The following ARHGAP23 variants were observed in gnomAD, a reference collection of about 807,000 sequenced individuals.
ARHGAP23 encodes the protein Rho GTPase activating protein 23.
In ARHGAP23, 34 loss-of-function variants were observed where a neutral mutation model predicts 136.3. The ratio of observed to expected loss-of-function variants is 0.25; its 90% CI spans 0.19 to 0.33. The LOEUF is 0.33. ARHGAP23 is among the 10% of genes least tolerant of loss of function. The pLI is 1.00. For missense variants in ARHGAP23, 1,808 were observed against 2,139.0 expected (o/e 0.85, Z 3.05); for synonymous variants, 832 against 920.5 (o/e 0.90, Z 1.74).
At chr17:38,499,107 T>C (rs2040463024) in intron 22 of ARHGAP23, among the ~76,000 whole-genome samples, 2 of 152,122 alleles carry the variant, frequency 1.3e-5, no homozygotes, top group South Asian at 4.1e-4. Flanking sequence ...ACCCCAGCAG[T>C]CCATGCCCCT....
rs989746876 is a variant in ARHGAP23 at position 38,477,865 on chromosome 17, C to A, written c.2405C>A (p.Ala802Glu). 3.9e-6 allele frequency: 6 copies of A among 1,548,458 alleles called. No homozygotes were observed. The African/African-American group carries it at 8.2e-5, about 21-fold the overall frequency. The change falls in exon 12 of 24, where the codon GCG becomes GAG. Residue 802 changes from alanine (A) to glutamate (E), a missense_variant. Around this residue, in one of 7 missense-constraint regions of ARHGAP23, gnomAD observed 139 missense variants for 264.3 expected, o/e 0.53. Transcript: ENST00000622683. This position sits in a 1 kb window ranked among gnomAD's most constrained non-coding sequence, Gnocchi z 6.6. ...GATGACATGCTGGGCTGGATCAGAG[C>A]GATCCGGGAGAACAGCAGGGCCGAG... The part of the protein sequence containing the change: ...DRDDMLGWIR[A>E]IRENSRAEGE...
chr17:38,499,009 G>A (rs1567826737), intron 22 of ARHGAP23: 1 of 698,160 alleles, frequency 1.4e-6, no homozygotes. Flanking sequence ...ATTATAAGAA[G>A]GCTGGGTGGG....
chr17:38,500,525 T>A, intron 22 of ARHGAP23, 72 bp from the exon 23 acceptor site: 1 of 1,346,522 alleles, frequency 7.4e-7, no homozygotes, highest in Non-Finnish European at 1.0e-6. Context: ...GGAGAGGGAA[T>A]TGTGTGCATA....
chr17:38,490,065 G>A lies in ARHGAP23; in HGVS notation c.2987-37G>A, dbSNP rs1021979678. 4 of 1,545,358 alleles carry A rather than the reference G, an allele frequency of 2.6e-6. No homozygotes were observed. In the African/African-American group the frequency reaches 4.1e-5, roughly 16 times the overall value. On this transcript the variant is annotated intron_variant, in intron 17 of 23. Transcript: ENST00000622683. ...GGCCGGGAGAACAGGGGAAGGCGCTGCCCCCACCTCTCTAAAGAGTCTCCG... is the reference window on the plus strand; with the variant it reads ...GGCCGGGAGAACAGGGGAAGGCGCTACCCCCACCTCTCTAAAGAGTCTCCG...
chr17:38,479,570 T>C, intron 13 of ARHGAP23, 73 bp downstream of exon 13: 1 of 1,489,042 alleles, frequency 6.7e-7, no homozygotes, highest in Non-Finnish European at 9.2e-7. Context: ...GATGTCTTCC[T>C]GGCCCACCTC....
In ARHGAP23 at chr17:38,490,456, G is replaced by A; in HGVS notation, c.3061-6G>A. On this transcript the variant is annotated splice_polypyrimidine_tract_variant and splice_region_variant and intron_variant, in intron 18 of 23. Coordinates refer to ENST00000622683, the MANE Select transcript of ARHGAP23 (RefSeq NM_001199417.2). ...TGTCCCCATGCCCCTCCTCTCTCCT[G>A]CTCAGATCCGGGATCTCCCAGGACA... 6.5e-7 allele frequency: 1 copy of A among 1,545,334 alleles called. No individual in the cohort carries two copies. The highest frequency in any genetic ancestry group is 8.7e-7 in the Non-Finnish European group (1 of 1,143,012).
In ARHGAP23 at chr17:38,510,186, T is replaced by TC; in HGVS notation, c.3695dup (p.Ala1233GlyfsTer33). On this transcript the variant is annotated frameshift_variant, in exon 24 of 24. Transcript: ENST00000622683. LOFTEE classifies it high-confidence loss of function. This position sits in a 1 kb window ranked among gnomAD's most constrained non-coding sequence, Gnocchi z 4.6. ...CCCCCGAGGCCCCCGGACGCCTCAG[T>TC]CCCCCGGCGGCGCCGGAGGAGCGGC... 2 of 1,343,156 alleles carry TC rather than the reference T, an allele frequency of 1.5e-6. No individual in the cohort carries two copies. Among genetic ancestry groups the TC allele is most frequent in the Admixed American group, 6.4e-5 (2 of 31,128 alleles). 83.2% of individuals were successfully genotyped at this position (1,343,156 alleles called of 1,614,324 possible). A position where few individuals can be genotyped will look rare whatever the true frequency, so the allele number is the denominator to read the frequency against.
At chr17:38,495,934 G>T (rs947919977) in intron 20 of ARHGAP23, among the ~76,000 whole-genome samples, 7 of 152,000 alleles carry the variant, frequency 4.6e-5, no homozygotes, top group African/African-American at 1.7e-4. Flanking sequence ...TTTCACTCTT[G>T]TTGTCCAGGC....
rs2040276445 is a variant in ARHGAP23, at chr17:38,491,433, C to G, written c.3177C>G (p.Val1059=). 7 of 1,549,736 alleles carry G rather than the reference C, an allele frequency of 4.5e-6. 1 individual carries two copies. The East Asian group carries it at 1.7e-4, about 38-fold the overall frequency. The change falls in exon 20 of 24, where the codon GTC becomes GTG. Residue 1059 remains valine, a synonymous_variant. Coordinates refer to ENST00000622683, the MANE Select transcript of ARHGAP23 (RefSeq NM_001199417.2). ...NKMEPRNLAL[V]FGPTLVRTSE... The stretch of plus-strand genomic sequence containing the variant: ...TGGAACCCCGGAACCTGGCCCTGGT[C>G]TTTGGGCCGACACTGGTGAGGACGT...
At chr17:38,469,028 C>T (rs1364248131) in intron 7 of ARHGAP23, 116 bp from the exon 8 acceptor site, 1 of 1,122,244 alleles carries the variant, frequency 8.9e-7, no homozygotes, top group African/African-American at 1.6e-5. Flanking sequence ...CAGCAGGACC[C>T]TTTGGGATGT....
At chr17:38,459,050 G>T (rs946944382) in intron 2 of ARHGAP23, among the ~76,000 whole-genome samples, 3 of 152,168 alleles carry the variant, frequency 2.0e-5, no homozygotes, top group African/African-American at 7.2e-5. Context: ...GACAGAAGGG[G>T]CCCCAGGGAG....
chr17:38,424,533 C>T (rs1263400453), upstream of ARHGAP23, among the ~76,000 whole-genome samples: 1 of 152,180 alleles, frequency 6.6e-6, no homozygotes, highest in Non-Finnish European at 1.5e-5. Context: ...GTTGCCTCCT[C>T]CTTCTCTGCC....
rs2040158139 is a variant in ARHGAP23, at chr17:38,486,276, G to A, written c.2986+136G>A. ...ACAGTCTTGCTCTGTTGCCCAGGCT[G>A]GAGTGCAGTGGCGCAATCACGGCTC... On this transcript the variant is annotated intron_variant, in intron 17 of 23. Transcript: ENST00000622683. 8 of 821,004 alleles carry A rather than the reference G, an allele frequency of 9.7e-6. No individual in the cohort carries two copies. In the South Asian group the frequency reaches 1.4e-4, roughly 14 times the overall value. 50.9% of individuals were successfully genotyped at this position (821,004 alleles called of 1,614,324 possible). A position where few individuals can be genotyped will look rare whatever the true frequency, so the allele number is the denominator to read the frequency against.
chr17:38,489,816 G>T, intron 17 of ARHGAP23: 1 of 375,906 alleles, frequency 2.7e-6, no homozygotes, highest in Non-Finnish European at 4.9e-6. Flanking sequence ...ACGGGGGCAG[G>T]GACCCCTTTT....
chr17:38,510,679 G>A lies in ARHGAP23; in HGVS notation c.4183G>A (p.Glu1395Lys), dbSNP rs2040742373. 5.0e-6 allele frequency: 7 copies of A among 1,410,740 alleles called. No individual in the cohort carries two copies. The highest frequency in any genetic ancestry group is 4.6e-6 in the Non-Finnish European group (5 of 1,090,936). 87.4% of individuals were successfully genotyped at this position (1,410,740 alleles called of 1,614,324 possible). The change falls in exon 24 of 24, where the codon GAG (glutamate) becomes AAG (lysine). Residue 1395 changes from glutamate (E) to lysine (K), a missense_variant. Around this residue, in one of 7 missense-constraint regions of ARHGAP23, gnomAD observed 506 missense variants for 455.8 expected, o/e 1.11. Transcript: ENST00000622683. This position sits in a 1 kb window ranked among gnomAD's most constrained non-coding sequence, Gnocchi z 4.6. The part of the protein sequence containing the change: ...AVRLRRPLSP[E>K]TRRRRSSWRR... ...GCGCCTGCGGCGGCCGCTGTCGCCCGAGACCCGGCGGCGCCGGAGCAGCTG... is the reference window on the plus strand; with the variant it reads ...GCGCCTGCGGCGGCCGCTGTCGCCCAAGACCCGGCGGCGCCGGAGCAGCTG...
intron 1 of ARHGAP23, among the ~76,000 whole-genome samples, chr17:38,457,141 G>A (rs974291544): frequency 1.3e-5 from 2 of 152,148 alleles, no homozygotes; most frequent in African/African-American, 4.8e-5. Context: ...AACTCGCCTT[G>A]GTCTCCCAAA....
intron 15 of ARHGAP23, 44 bp from the exon 16 acceptor site, chr17:38,482,479 C>T (rs1255828815): frequency 3.9e-5 from 58 of 1,502,038 alleles, no homozygotes; most frequent in Non-Finnish European, 5.1e-5. Flanking sequence ...TCCCCAGCTC[C>T]TCTGGCCCCT....
Position 38,477,701 on chromosome 17 carries a change from C to G in ARHGAP23, c.2241C>G (p.Gly747=). 2 of 1,502,382 alleles carry G rather than the reference C, an allele frequency of 1.3e-6. No homozygotes were observed. The highest frequency in any genetic ancestry group is 1.8e-6 in the Non-Finnish European group (2 of 1,123,376). 93.1% of individuals were successfully genotyped at this position (1,502,382 alleles called of 1,614,324 possible). The part of the protein sequence containing the change: ...GPAAAGAAAA[G]AGEDEAAPVC... ...CGGCGGCGGGGGCTGCGGCGGCCGG[C>G]GCAGGTGAGGACGAGGCGGCGCCCG... The change falls in exon 12 of 24, where the codon GGC becomes GGG. Residue 747 remains glycine, a synonymous_variant. Coordinates refer to ENST00000622683, the MANE Select transcript of ARHGAP23 (RefSeq NM_001199417.2). The surrounding 1 kb of genome is among the most constrained non-coding windows in gnomAD (Gnocchi z 6.6).
intron 1 of ARHGAP23, among the ~76,000 whole-genome samples, chr17:38,429,905 G>A (rs558702509): frequency 6.6e-6 from 1 of 152,306 alleles, no homozygotes; most frequent in East Asian, 1.9e-4. Context: ...ATTCCCCAAA[G>A]TGACAGCTCT....
Sources: gnomAD v4.1 joint callset for allele counts (sites outside exome capture counted in the v4.1 genomes callset) on GRCh38, gnomAD v4.1.1 for gene constraint, gnomAD v4.1.1 regional missense constraint, Gnocchi (gnomAD v3.1) non-coding constraint, MANE v1.5 for transcripts, NCBI Gene and HGNC (gene_info 2026-07-23, HGNC 2026-07-21) for gene names.